RAB3D: variants seen among roughly 807,000 people sequenced by gnomAD.
The protein encoded by RAB3D is RAB3D, member RAS oncogene family.
Under a neutral mutation model 19.3 loss-of-function variants are expected in RAB3D, and 17 were observed. The ratio of observed to expected loss-of-function variants is 0.88; its 90% CI spans 0.60 to 1.32. RAB3D has a LOEUF of 1.32. RAB3D is among the 40% of genes most tolerant of loss of function. The probability of loss-of-function intolerance (pLI) is 0.00; values close to 1 mark genes in which losing one functional copy is unlikely to be tolerated. For synonymous variants in RAB3D, 103 were observed against 119.9 expected, an observed-to-expected ratio of 0.86 and a Z score of 0.92; for missense variants, 223 against 299.1, an observed-to-expected ratio of 0.75 and a Z score of 1.88.
chr19:11,322,682 C>G lies in RAB3D; in HGVS notation c.*2716G>C, dbSNP rs1378358183. The G allele has an allele frequency of 6.6e-6, 1 of 152,164 alleles. No homozygotes were observed. The highest frequency in any genetic ancestry group is 2.4e-5 in the African/African-American group (1 of 41,450). 9.4% of individuals were successfully genotyped at this position (152,164 alleles called of 1,614,324 possible). ...CTTATTTTTAGAAGAAACAAATGTTCCCATATTATTCCCAGTTTTTGAGAG... is the reference window on the plus strand; with the variant it reads ...CTTATTTTTAGAAGAAACAAATGTTGCCATATTATTCCCAGTTTTTGAGAG... On this transcript the variant is annotated 3_prime_UTR_variant, in exon 5 of 5. Coordinates refer to ENST00000222120, the MANE Select transcript of RAB3D (RefSeq NM_004283.4).
chr19:11,335,603 G>C (rs914693060), intron 3 of RAB3D, 32 bp from the exon 4 acceptor site: 5 of 1,611,366 alleles, frequency 3.1e-6, no homozygotes, highest in African/African-American at 1.3e-5. Context: ...GCCATGAGCC[G>C]GGGGGGTTAG....
intron 4 of RAB3D, 129 bp downstream of exon 4, chr19:11,335,318 C>T (rs937589549): frequency 1.5e-6 from 2 of 1,306,984 alleles, no homozygotes; most frequent in Non-Finnish European, 2.1e-6. Context: ...GGACATGTGG[C>T]ATACACATGG....
At chr19:11,337,023 G>C in intron 2 of RAB3D, 149 bp downstream of exon 2, 1 of 638,490 alleles carries the variant, frequency 1.6e-6, no homozygotes. Context: ...GAACCCAGGA[G>C]ATGGAGGTTG....
intron 2 of RAB3D, 76 bp downstream of exon 2, chr19:11,337,096 A>T (rs1966902347): frequency 7.9e-7 from 1 of 1,272,976 alleles, no homozygotes; most frequent in African/African-American, 1.5e-5. Context: ...TCCGTCTCAA[A>T]AAAAAAAAAA....
chr19:11,336,974 GAAA>G (rs71164191), intron 2 of RAB3D, among the ~76,000 whole-genome samples, 195 bp downstream of exon 2: 2 of 90,234 alleles, frequency 2.2e-5, no homozygotes, highest in African/African-American at 3.8e-5. Flanking sequence ...TGTCTCGAGA[GAAA>G]AAAAAAAAAA....
intron 1 of RAB3D, among the ~76,000 whole-genome samples, chr19:11,338,710 G>T (rs564122976): frequency 6.6e-6 from 1 of 152,136 alleles, no homozygotes. Context: ...CCAAGGAAAC[G>T]ATCCCAGCCA....
Position 11,325,342 on chromosome 19 carries a change from C to A in RAB3D, c.*56G>T. 8.2e-7 allele frequency: 1 copy of A among 1,226,190 alleles called. No individual in the cohort carries two copies. Among genetic ancestry groups the A allele is most frequent in the Non-Finnish European group, 1.1e-6 (1 of 885,272 alleles). The allele number at this position is 1,226,190 out of a possible 1,614,324, so 76.0% of individuals were successfully genotyped here. ...GAGATAACCACTGTGGCTCACGCCT[C>A]GATCACAGTCCCTGCCGAGGCAGGA... On this transcript the variant is annotated 3_prime_UTR_variant, in exon 5 of 5. Transcript: ENST00000222120.
Position 11,323,550 on chromosome 19 carries a change from C to G in RAB3D, c.*1848G>C, listed in dbSNP as rs1310718026. 2 of 152,008 alleles carry G rather than the reference C, an allele frequency of 1.3e-5. No homozygotes were observed. Among genetic ancestry groups the G allele is most frequent in the Non-Finnish European group, 2.9e-5 (2 of 68,032 alleles). The allele number at this position is 152,008 out of a possible 1,614,324, so 9.4% of individuals were successfully genotyped here. On this transcript the variant is annotated 3_prime_UTR_variant, in exon 5 of 5. Transcript: ENST00000222120. ...AGGTTGCAGTAAGCTGAGATTGTGC[C>G]ACCGCACTCCAGCCTGGGCAATAGA... is the stretch of plus-strand genomic sequence containing the variant.
intron 1 of RAB3D, 95 bp from the exon 2 acceptor site, chr19:11,337,555 G>C (rs528708934): frequency 1.6e-6 from 1 of 634,080 alleles, no homozygotes; most frequent in African/African-American, 1.8e-5. Context: ...AGTGATGCTG[G>C]ATGCATCGCT....
chr19:11,328,572 G>A (rs1400672807), intron 4 of RAB3D, among the ~76,000 whole-genome samples: 5 of 152,044 alleles, frequency 3.3e-5, no homozygotes, highest in South Asian at 2.1e-4. Context: ...GCTTGAACCC[G>A]GGAGGTGTAG....
chr19:11,333,100 GAA>G (rs2080840809), intron 4 of RAB3D, among the ~76,000 whole-genome samples: 1 of 145,290 alleles, frequency 6.9e-6, no homozygotes, highest in Non-Finnish European at 1.5e-5. Flanking sequence ...TTTTTTTTGA[GAA>G]AGAGTCCTGC....
chr19:11,328,641 A>G (rs973430642), intron 4 of RAB3D, among the ~76,000 whole-genome samples: 3 of 151,652 alleles, frequency 2.0e-5, no homozygotes, highest in Non-Finnish European at 2.9e-5. Flanking sequence ...GCAAGACTCC[A>G]TCTCTAAATA....
Position 11,334,662 on chromosome 19 carries a change from C to T in RAB3D, c.472+785G>A, listed in dbSNP as rs145023066. ...AAAAAAGGCCAGGCATGGTGCCTCA[C>T]GCTTGTAATCCCAGCACTTTGGGAG... On this transcript the variant is annotated intron_variant, in intron 4 of 4. Transcript: ENST00000222120. Among the ~76,000 whole-genome samples, 674 of 152,286 alleles carry T rather than the reference C, an allele frequency of 4.4e-3. 2 individuals carry two copies. The highest frequency in any genetic ancestry group is 0.016 in the African/African-American group (646 of 41,568).
chr19:11,332,155 C>A (rs113957604), intron 4 of RAB3D, among the ~76,000 whole-genome samples: 3,964 of 152,252 alleles, frequency 0.026, 80 homozygotes, highest in East Asian at 0.091. Flanking sequence ...CCCTCAGCCT[C>A]CTGAGTAGCC....
At chr19:11,338,236 C>T (rs1568302343) in intron 1 of RAB3D, among the ~76,000 whole-genome samples, 2 of 152,214 alleles carry the variant, frequency 1.3e-5, no homozygotes, top group Non-Finnish European at 2.9e-5. Flanking sequence ...GGAGACCTTT[C>T]CTATCTGGAA....
Position 11,335,662 on chromosome 19 carries a change from C to T in RAB3D, c.347+3G>A, listed in dbSNP as rs112871800. On this transcript the variant is annotated splice_donor_region_variant and intron_variant, in intron 3 of 4. Transcript: ENST00000222120. ...CAGGGGTCCATGATCAGCAAGCACT[C>T]ACCAGTCCTGCACAGCGGCAAAGGA... 2 of 1,614,046 alleles carry T rather than the reference C, an allele frequency of 1.2e-6. No individual in the cohort carries two copies. Among genetic ancestry groups the T allele is most frequent in the South Asian group, 2.2e-5 (2 of 91,082 alleles).
intron 4 of RAB3D, among the ~76,000 whole-genome samples, chr19:11,333,987 C>T (rs2080843715): frequency 6.6e-6 from 1 of 151,982 alleles, no homozygotes; most frequent in East Asian, 1.9e-4. Flanking sequence ...TGAGCCACCA[C>T]GCCCGGCCAC....
intron 1 of RAB3D, among the ~76,000 whole-genome samples, chr19:11,338,008 ACT>A (rs1329044121): frequency 2.6e-5 from 4 of 151,600 alleles, no homozygotes; most frequent in Middle Eastern, 3.4e-3. Flanking sequence ...ACAAATGCTT[ACT>A]CTCTGCCGGG....
chr19:11,337,901 C>G lies in RAB3D; in HGVS notation c.-61-441G>C, dbSNP rs140453600. 3.6e-3 allele frequency among the ~76,000 whole-genome samples: 554 copies of G among 152,048 alleles called. 10 individuals are homozygous for G. The highest frequency in any genetic ancestry group is 0.013 in the African/African-American group (542 of 41,488). On this transcript the variant is annotated intron_variant, in intron 1 of 4. Transcript: ENST00000222120. ...TTGCCCATGCTGGTTTCAAACTCCT[C>G]TGCTCAAGCAATCCTCCTGCCTCAG...
Sources: gnomAD v4.1 joint callset for allele counts (sites outside exome capture counted in the v4.1 genomes callset) on GRCh38, gnomAD v4.1.1 for gene constraint, MANE v1.5 for transcripts, NCBI Gene and HGNC (gene_info 2026-07-23, HGNC 2026-07-21) for gene names.